The following CACNB4 variants were observed in gnomAD, a reference collection of about 807,000 sequenced individuals.
The protein encoded by CACNB4 is calcium voltage-gated channel auxiliary subunit beta 4.
CACNB4 carries 32 observed loss-of-function variants against 71.2 expected under a neutral mutation model. The ratio of observed to expected loss-of-function variants is 0.45; its 90% CI spans 0.34 to 0.60. CACNB4 has a LOEUF of 0.60. Among genes scored for constraint, CACNB4 ranks in the 20% least tolerant of loss-of-function variants. CACNB4 has a pLI of 0.01. For missense variants in CACNB4, 464 were observed against 647.9 expected, an observed-to-expected ratio of 0.72 and a Z score of 3.08; for synonymous variants, 231 against 236.9, an observed-to-expected ratio of 0.97 and a Z score of 0.23.
chr2:152,028,867 G>A (rs1481986417), intron 2 of CACNB4, among the ~76,000 whole-genome samples: 1 of 152,224 alleles, frequency 6.6e-6, no homozygotes, highest in African/African-American at 2.4e-5. Context: ...ACAAGTGCTA[G>A]GGATGGAAAA....
intron 2 of CACNB4, among the ~76,000 whole-genome samples, chr2:152,075,131 T>G (rs1686939068): frequency 6.6e-6 from 1 of 152,232 alleles, no homozygotes; most frequent in African/African-American, 2.4e-5. Context: ...CTACATATAT[T>G]ATTTCATTTT....
intron 9 of CACNB4, among the ~76,000 whole-genome samples, chr2:151,862,722 G>A (rs534343532): frequency 6.6e-6 from 1 of 152,310 alleles, no homozygotes; most frequent in East Asian, 1.9e-4. Flanking sequence ...ATCTTACCAA[G>A]AGGGAAACTG....
intron 9 of CACNB4, chr2:151,867,820 T>C (rs1389035374): frequency 6.6e-6 from 1 of 152,186 alleles, no homozygotes; most frequent in African/African-American, 2.4e-5. Flanking sequence ...GGGCCCCAAA[T>C]GACAGAGGGA....
chr2:151,902,916 C>A (rs1051194498), intron 2 of CACNB4, among the ~76,000 whole-genome samples: 1 of 152,100 alleles, frequency 6.6e-6, no homozygotes, highest in Non-Finnish European at 1.5e-5. Flanking sequence ...TTGCTACTAT[C>A]GGGTTAAAAT....
chr2:152,075,975 A>G (rs895556738), intron 2 of CACNB4, among the ~76,000 whole-genome samples: 3 of 152,010 alleles, frequency 2.0e-5, no homozygotes, highest in Admixed American at 2.0e-4. Flanking sequence ...ATTTCACCAA[A>G]CTGTAGCTAA....
At chr2:151,842,688 T>C (rs2099836532) in intron 12 of CACNB4, among the ~76,000 whole-genome samples, 1 of 152,140 alleles carries the variant, frequency 6.6e-6, no homozygotes, top group South Asian at 2.1e-4. Context: ...GTGTTACAGG[T>C]AAAATATGAC....
intron 12 of CACNB4, chr2:151,853,069 C>T (rs2099839459): frequency 5.6e-6 from 1 of 179,930 alleles, no homozygotes; most frequent in Non-Finnish European, 1.1e-5. Flanking sequence ...TCTTTTATGC[C>T]TGCTGGAATT....
chr2:151,990,180 T>C (rs1383145849), intron 2 of CACNB4, among the ~76,000 whole-genome samples: 1 of 152,200 alleles, frequency 6.6e-6, no homozygotes, highest in Non-Finnish European at 1.5e-5. Context: ...CAGGAAAAAA[T>C]TACAAGCCAC....
intron 2 of CACNB4, among the ~76,000 whole-genome samples, chr2:151,995,543 T>C (rs920311367): frequency 2.6e-5 from 4 of 152,148 alleles, no homozygotes; most frequent in African/African-American, 9.7e-5. Context: ...CCGTCTCTAC[T>C]AAAAATGCAA....
At chr2:151,935,177 C>A (rs1053807359) in intron 2 of CACNB4, among the ~76,000 whole-genome samples, 1 of 152,216 alleles carries the variant, frequency 6.6e-6, no homozygotes, top group Non-Finnish European at 1.5e-5. Flanking sequence ...TAGTATTATA[C>A]AGCTTCAAAC....
chr2:152,025,008 A>T (rs950662397), intron 2 of CACNB4, among the ~76,000 whole-genome samples: 1 of 152,204 alleles, frequency 6.6e-6, no homozygotes, highest in Admixed American at 6.5e-5. Context: ...GTGAGCCAAG[A>T]TCACACCACT....
intron 2 of CACNB4, among the ~76,000 whole-genome samples, chr2:152,091,043 CAA>C (rs747321169): frequency 4.9e-5 from 6 of 122,226 alleles, no homozygotes; most frequent in Non-Finnish European, 7.1e-5. Flanking sequence ...GACTCCATCT[CAA>C]AAAAAAAAAA....
chr2:151,993,735 T>G (rs916045199), intron 2 of CACNB4, among the ~76,000 whole-genome samples: 4 of 151,742 alleles, frequency 2.6e-5, no homozygotes, highest in African/African-American at 9.7e-5. Flanking sequence ...GGGCTAATTT[T>G]TGTATTTTCA....
intron 2 of CACNB4, among the ~76,000 whole-genome samples, chr2:151,910,348 T>C (rs1452715250): frequency 2.6e-5 from 4 of 152,234 alleles, no homozygotes; most frequent in Admixed American, 1.3e-4. Flanking sequence ...TGATAGTTTC[T>C]TTTGTTGTGC....
intron 2 of CACNB4, among the ~76,000 whole-genome samples, chr2:151,985,982 G>A (rs371523811): frequency 3.9e-5 from 6 of 152,188 alleles, no homozygotes; most frequent in South Asian, 2.1e-4. Context: ...TTCCAAAGTC[G>A]TTCTATTAGG....
intron 10 of CACNB4, among the ~76,000 whole-genome samples, chr2:151,856,454 C>G (rs953920157): frequency 2.0e-5 from 3 of 152,016 alleles, no homozygotes; most frequent in African/African-American, 7.2e-5. Flanking sequence ...TAGGCACACG[C>G]CACCATGCCT....
chr2:152,005,269 C>A (rs1024624049), intron 2 of CACNB4, among the ~76,000 whole-genome samples: 2 of 152,176 alleles, frequency 1.3e-5, no homozygotes, highest in Admixed American at 6.5e-5. Context: ...ATGGACTCAA[C>A]CTACATGCCC....
intron 2 of CACNB4, among the ~76,000 whole-genome samples, chr2:151,915,371 G>A (rs966167718): frequency 4.6e-5 from 7 of 152,174 alleles, no homozygotes; most frequent in Non-Finnish European, 1.0e-4. Context: ...AATGGGTGCC[G>A]CCCTTCCCCC....
intron 2 of CACNB4, among the ~76,000 whole-genome samples, chr2:151,946,303 C>T (rs10930853): frequency 0.89 from 135,165 of 151,106 alleles, 60,803 homozygotes; most frequent in Middle Eastern, 0.95. Context: ...CACTCCAGCC[C>T]GGGCAACAAG....
Sources: allele counts gnomAD v4.1 joint callset (sites outside exome capture counted in the v4.1 genomes callset), GRCh38; gene constraint gnomAD v4.1.1; transcripts MANE v1.5; gene names NCBI Gene and HGNC (gene_info 2026-07-23, HGNC 2026-07-21).